Variants in DLGAP2 observed in about 807,000 individuals in gnomAD.
The protein encoded by DLGAP2 is DLG associated protein 2.
DLGAP2 carries 26 observed loss-of-function variants against 100.3 expected under a neutral mutation model. The observed-to-expected ratio is 0.26, with a 90% CI of 0.19 to 0.36. The LOEUF (loss-of-function observed/expected upper bound fraction) is 0.36. DLGAP2 is among the 10% of genes least tolerant of loss of function. The pLI is 1.00. For synonymous variants in DLGAP2, 886 were observed against 630.1 expected (o/e 1.41, Z -6.08); for missense variants, 1,858 against 1,453.2 (o/e 1.28, Z -4.53).
chr8:967,170 T>C (rs1254846338), intron 2 of DLGAP2, among the ~76,000 whole-genome samples: 3 of 152,274 alleles, frequency 2.0e-5, no homozygotes, highest in Non-Finnish European at 4.4e-5. Context: ...GTGCTTTCAC[T>C]GCCTGTGTCA....
At chr8:1,691,404 G>A (rs76019792) in intron 12 of DLGAP2, 131 bp from the exon 13 acceptor site, 6 of 722,226 alleles carry the variant, frequency 8.3e-6, no homozygotes, top group East Asian at 2.7e-5. Context: ...CAGCGAACAC[G>A]CTCGGCACGA....
intron 1 of DLGAP2, among the ~76,000 whole-genome samples, chr8:831,810 A>G (rs950696302): frequency 6.6e-6 from 1 of 152,170 alleles, no homozygotes; most frequent in African/African-American, 2.4e-5. Flanking sequence ...ACAATGGTTG[A>G]ACTAATTTAC....
At chr8:1,274,841 C>A (rs995271744) in intron 3 of DLGAP2, among the ~76,000 whole-genome samples, 3 of 151,544 alleles carry the variant, frequency 2.0e-5, no homozygotes, top group Admixed American at 6.6e-5. Context: ...TCTCTTAACT[C>A]ATCAACTTAA....
chr8:1,422,469 G>A (rs1055513122), intron 3 of DLGAP2, among the ~76,000 whole-genome samples: 2 of 152,024 alleles, frequency 1.3e-5, no homozygotes, highest in African/African-American at 4.8e-5. Flanking sequence ...GTGATGCCAG[G>A]GAAACCTCTC....
At chr8:1,173,236 C>T (rs938673900) in intron 2 of DLGAP2, among the ~76,000 whole-genome samples, 10 of 152,162 alleles carry the variant, frequency 6.6e-5, no homozygotes, top group Admixed American at 5.2e-4. Context: ...GATCGTTCTT[C>T]TGGAAGTTTT....
At chr8:970,383 A>G (rs1340359334) in intron 2 of DLGAP2, among the ~76,000 whole-genome samples, 1 of 152,216 alleles carries the variant, frequency 6.6e-6, no homozygotes, top group Non-Finnish European at 1.5e-5. Context: ...ACCTACAAAG[A>G]CACATATACA....
rs796308816 is a variant in DLGAP2, at chr8:1,337,229, G to A, written c.106+78346G>A. 1.0e-4 allele frequency among the ~76,000 whole-genome samples: 12 copies of A among 119,952 alleles called. No homozygotes were observed. In the South Asian group the frequency reaches 1.8e-3, roughly 18 times the overall value. 78.7% of individuals were successfully genotyped at this position (119,952 alleles called of 152,430 possible). A position where few individuals can be genotyped will look rare whatever the true frequency, so the allele number is the denominator to read the frequency against. ...GATGGTGATGATGATGAGGATGATG[G>A]TGGTGGTGAGAATGATGGTGATGAT... On this transcript the variant is annotated intron_variant, in intron 3 of 14. Coordinates refer to ENST00000637795, the MANE Select transcript of DLGAP2 (RefSeq NM_001346810.2).
intron 4 of DLGAP2, among the ~76,000 whole-genome samples, chr8:1,512,791 G>C (rs1800215785): frequency 6.6e-6 from 1 of 152,212 alleles, no homozygotes; most frequent in Admixed American, 6.5e-5. Context: ...GACAAACTGG[G>C]TGACTACTGC....
chr8:1,479,573 G>T (rs189472734), intron 3 of DLGAP2, among the ~76,000 whole-genome samples: 1 of 152,188 alleles, frequency 6.6e-6, no homozygotes, highest in Non-Finnish European at 1.5e-5. Context: ...AAGGCTGTGC[G>T]TTTCATTTCC....
chr8:1,039,658 G>T (rs1335665548), intron 2 of DLGAP2, among the ~76,000 whole-genome samples: 23 of 32,722 alleles, frequency 7.0e-4, no homozygotes, highest in South Asian at 1.3e-3. Flanking sequence ...TCAGCTCGGT[G>T]TGGGTGGTCA....
intron 2 of DLGAP2, among the ~76,000 whole-genome samples, chr8:908,898 A>G (rs529674804): frequency 6.6e-6 from 1 of 152,318 alleles, no homozygotes; most frequent in South Asian, 2.1e-4. Flanking sequence ...GGTAATTACA[A>G]AGACTCTTCT....
Position 1,701,803 on chromosome 8 carries a change from A to C in DLGAP2, c.*397A>C. ...GAGGTAAGAATAACAAGTAACTATA[A>C]ACGGGTGCATCCCACCACTCCCTGG... On this transcript the variant is annotated 3_prime_UTR_variant, in exon 15 of 15. Transcript: ENST00000637795. The C allele has an allele frequency of 1.6e-5, 3 of 190,484 alleles. No homozygotes were observed. Among genetic ancestry groups the C allele is most frequent in the East Asian group, 1.4e-4 (1 of 7,156 alleles). 11.8% of individuals were successfully genotyped at this position (190,484 alleles called of 1,614,324 possible). A position where few individuals can be genotyped will look rare whatever the true frequency, so the allele number is the denominator to read the frequency against.
intron 3 of DLGAP2, among the ~76,000 whole-genome samples, chr8:1,490,872 T>C (rs1384427465): frequency 6.8e-6 from 1 of 146,180 alleles, no homozygotes; most frequent in African/African-American, 2.5e-5. Flanking sequence ...CGGGGACGGT[T>C]GTGGGGTGGG....
rs1488973697 is a variant in DLGAP2 at position 1,671,587 on chromosome 8, C to T, written c.2202+1803C>T. On this transcript the variant is annotated intron_variant, in intron 10 of 14. Coordinates refer to ENST00000637795, the MANE Select transcript of DLGAP2 (RefSeq NM_001346810.2). ...CCCTTGTTCACAGTGCATTGCATGA[C>T]CTTTTACTATCAGGGTTTGAATTCA... 8.5e-5 allele frequency among the ~76,000 whole-genome samples: 13 copies of T among 152,202 alleles called. No homozygotes were observed. In the East Asian group the frequency reaches 2.5e-3, roughly 29 times the overall value.
At chr8:849,915 T>G (rs1797152929) in intron 1 of DLGAP2, among the ~76,000 whole-genome samples, 1 of 152,014 alleles carries the variant, frequency 6.6e-6, no homozygotes, top group Non-Finnish European at 1.5e-5. Flanking sequence ...AATACAAACA[T>G]TAGCTGGGCC....
chr8:838,006 C>A (rs559255813), intron 1 of DLGAP2, among the ~76,000 whole-genome samples: 1 of 151,234 alleles, frequency 6.6e-6, no homozygotes, highest in South Asian at 2.1e-4. Context: ...GGGTTACAGG[C>A]GTGAGCCACT....
At chr8:959,843 A>C (rs1244440121) in intron 2 of DLGAP2, among the ~76,000 whole-genome samples, 1 of 152,170 alleles carries the variant, frequency 6.6e-6, no homozygotes, top group Non-Finnish European at 1.5e-5. Flanking sequence ...AAAAACAATG[A>C]TTTTCATGCT....
At chr8:1,484,145 G>C (rs1029291285) in intron 3 of DLGAP2, among the ~76,000 whole-genome samples, 5 of 152,212 alleles carry the variant, frequency 3.3e-5, no homozygotes, top group African/African-American at 4.8e-5. Context: ...AGAGCAGCCA[G>C]GGCAGGCCCT....
intron 2 of DLGAP2, among the ~76,000 whole-genome samples, chr8:988,075 G>A (rs376244307): frequency 5.3e-5 from 8 of 152,102 alleles, no homozygotes; most frequent in African/African-American, 9.6e-5. Flanking sequence ...GGCCTAGCAT[G>A]GTTCTATTCT....
Sources: allele counts gnomAD v4.1 joint callset (sites outside exome capture counted in the v4.1 genomes callset), GRCh38; gene constraint gnomAD v4.1.1; transcripts MANE v1.5; gene names NCBI Gene and HGNC (gene_info 2026-07-23, HGNC 2026-07-21).